The following NELL1 variants were observed in gnomAD, a reference collection of about 807,000 sequenced individuals.
NELL1 encodes the protein neural EGFL like 1, also known as protein kinase C-binding protein NELL1.
Under a neutral mutation model 107.4 loss-of-function variants are expected in NELL1, and 76 were observed. The ratio of observed to expected loss-of-function variants is 0.71; its 90% confidence interval spans 0.59 to 0.86. The LOEUF is 0.86. NELL1 is among the 40% of genes least tolerant of loss of function. NELL1 has a pLI of 0.00. For missense variants in NELL1, 1,024 were observed against 1,005.5 expected (o/e 1.02, Z -0.25); for synonymous variants, 353 against 341.2 (o/e 1.03, Z -0.38).
intron 14 of NELL1, among the ~76,000 whole-genome samples, chr11:21,267,757 C>T (rs529119896): frequency 6.6e-6 from 1 of 152,196 alleles, no homozygotes; most frequent in East Asian, 1.9e-4. Flanking sequence ...ATATCATCAC[C>T]CACAATAACT....
chr11:21,011,009 T>C (rs1488220404), intron 12 of NELL1, among the ~76,000 whole-genome samples: 1 of 152,100 alleles, frequency 6.6e-6, no homozygotes, highest in Non-Finnish European at 1.5e-5. Flanking sequence ...CCAAATCACC[T>C]TGATTGGGGG....
intron 15 of NELL1, among the ~76,000 whole-genome samples, chr11:21,438,799 T>G (rs1245232584): frequency 1.3e-5 from 2 of 152,036 alleles, no homozygotes; most frequent in East Asian, 3.9e-4. Context: ...GGGATTTCTG[T>G]TTTTTTCTAT....
At chr11:21,387,648 G>A (rs1286250052) in intron 15 of NELL1, among the ~76,000 whole-genome samples, 1 of 151,790 alleles carries the variant, frequency 6.6e-6, no homozygotes, top group African/African-American at 2.4e-5. Context: ...TCTCACAAAA[G>A]CAAGGCTGAA....
chr11:20,944,688 A>G (rs7930660), intron 10 of NELL1, among the ~76,000 whole-genome samples: 122,220 of 152,160 alleles, frequency 0.8, 50,870 homozygotes, highest in East Asian at 1. Context: ...ATAAAGCTAT[A>G]AAAGGTTTGT....
At chr11:20,793,303 G>A (rs567275627) in intron 3 of NELL1, among the ~76,000 whole-genome samples, 6 of 151,846 alleles carry the variant, frequency 4.0e-5, no homozygotes, top group South Asian at 2.1e-4. Flanking sequence ...GTAGTTGGAC[G>A]TTATAGTCTC....
chr11:21,169,686 G>T, intron 13 of NELL1: 2 of 592,562 alleles, frequency 3.4e-6, no homozygotes, highest in South Asian at 2.2e-5. Context: ...TACCTAATGG[G>T]ACTGTAAATC....
At chr11:20,793,554 C>T (rs1029820066) in intron 3 of NELL1, among the ~76,000 whole-genome samples, 14 of 152,094 alleles carry the variant, frequency 9.2e-5, no homozygotes, top group Admixed American at 7.9e-4. Context: ...CTAGCTTCTT[C>T]CATGTTTAGT....
At chr11:20,974,458 T>A (rs1335124676) in intron 12 of NELL1, among the ~76,000 whole-genome samples, 1 of 151,938 alleles carries the variant, frequency 6.6e-6, no homozygotes, top group South Asian at 2.1e-4. Flanking sequence ...GAAAAATAAC[T>A]CCAATTGATT....
chr11:20,755,902 T>TGAGACGGAG (rs1856273568), intron 2 of NELL1, among the ~76,000 whole-genome samples: 1 of 56,432 alleles, frequency 1.8e-5, no homozygotes, highest in African/African-American at 6.6e-5. Context: ...TTTTTTTTTT[T>TGAGACGGAG]TTTTTTATGA....
intron 13 of NELL1, among the ~76,000 whole-genome samples, chr11:21,177,037 T>C (rs1856728544): frequency 6.6e-6 from 1 of 151,814 alleles, no homozygotes; most frequent in Admixed American, 6.6e-5. Flanking sequence ...GTATACATTA[T>C]GGGATGATCA....
intron 12 of NELL1, among the ~76,000 whole-genome samples, chr11:21,015,759 A>G (rs1382212151): frequency 6.6e-6 from 1 of 151,786 alleles, no homozygotes; most frequent in Non-Finnish European, 1.5e-5. Flanking sequence ...ACTCTCCTTT[A>G]CAGGTGTTAA....
intron 2 of NELL1, among the ~76,000 whole-genome samples, chr11:20,760,519 G>A (rs996625760): frequency 6.6e-6 from 1 of 152,146 alleles, no homozygotes; most frequent in South Asian, 2.1e-4. Context: ...TCTGGGAAAA[G>A]TGAATCTAAT....
At chr11:20,790,023 A>G (rs988844037) in intron 3 of NELL1, among the ~76,000 whole-genome samples, 1 of 152,198 alleles carries the variant, frequency 6.6e-6, no homozygotes, top group Non-Finnish European at 1.5e-5. Context: ...TATGGGCCTC[A>G]GAGGGGAGGA....
At chr11:21,294,963 A>G (rs375774725) in intron 14 of NELL1, among the ~76,000 whole-genome samples, 8 of 152,138 alleles carry the variant, frequency 5.3e-5, no homozygotes, top group African/African-American at 1.9e-4. Context: ...CAACTACTAC[A>G]TAGCTGAGAC....
chr11:21,131,613 C>G lies in NELL1; in HGVS notation c.1426+17899C>G, dbSNP rs183662821. On this transcript the variant is annotated intron_variant, in intron 13 of 19. Coordinates refer to ENST00000357134, the MANE Select transcript of NELL1 (RefSeq NM_006157.5). ...TGCTTGCTACAATGATATGTACTTA[C>G]TTGTTCCTTTTTTGTTTTTTTGTTT... 5.4e-3 allele frequency among the ~76,000 whole-genome samples: 815 copies of G among 152,250 alleles called. 6 individuals carry two copies. The highest frequency in any genetic ancestry group is 0.018 in the African/African-American group (768 of 41,530).
In NELL1 at chr11:21,299,210, C is replaced by A. The variant is rs373158294; in HGVS notation, c.1549+69756C>A. The stretch of plus-strand genomic sequence containing the variant: ...TTCAGTTTTATTAAGCTATTTTCAG[C>A]TTTATTAAGAAATCTGTGTTTAATT... On this transcript the variant is annotated intron_variant, in intron 14 of 19. Transcript: ENST00000357134. Among the ~76,000 whole-genome samples, 17 of 151,948 alleles carry A rather than the reference C, an allele frequency of 1.1e-4. 1 individual carries two copies. In the East Asian group the frequency reaches 1.9e-3, roughly 17 times the overall value.
intron 15 of NELL1, among the ~76,000 whole-genome samples, chr11:21,378,131 T>G (rs1388296436): frequency 1.3e-5 from 2 of 151,860 alleles, no homozygotes; most frequent in Non-Finnish European, 2.9e-5. Context: ...TTTTAAAAAG[T>G]CTCTAGTAAA....
intron 14 of NELL1, among the ~76,000 whole-genome samples, chr11:21,258,536 G>C (rs1281631010): frequency 1.3e-5 from 2 of 151,904 alleles, no homozygotes; most frequent in Non-Finnish European, 2.9e-5. Context: ...GTACTAGTTT[G>C]AAGAAAGGCA....
chr11:21,278,650 G>T (rs1002114371), intron 14 of NELL1, among the ~76,000 whole-genome samples: 2 of 152,090 alleles, frequency 1.3e-5, no homozygotes, highest in African/African-American at 4.8e-5. Flanking sequence ...GAACTAAATA[G>T]AGAGATAATC....
Sources: gnomAD v4.1 joint callset for allele counts (sites outside exome capture counted in the v4.1 genomes callset) on GRCh38, gnomAD v4.1.1 for gene constraint, MANE v1.5 for transcripts, NCBI Gene and HGNC (gene_info 2026-07-23, HGNC 2026-07-21) for gene names.